DLL4: variants seen among roughly 807,000 people sequenced by gnomAD.
DLL4 encodes delta like canonical Notch ligand 4.
A neutral mutation model predicts 73.6 loss-of-function variants in DLL4; 7 were observed. The ratio of observed to expected loss-of-function variants is 0.10; its 90% CI spans 0.05 to 0.18. DLL4 has a LOEUF of 0.18. DLL4 is among the 10% of genes least tolerant of loss of function. DLL4 has a pLI of 1.00. For synonymous variants in DLL4, 345 were observed against 374.3 expected (o/e 0.92, Z 0.90); for missense variants, 614 against 929.9 (o/e 0.66, Z 4.42).
chr15:40,931,598 C>T lies in DLL4; in HGVS notation c.490C>T (p.Leu164Phe), dbSNP rs1264865292. The T allele has an allele frequency of 2.5e-6, 4 of 1,612,956 alleles. No individual in the cohort carries two copies. Among genetic ancestry groups the T allele is most frequent in the Admixed American group, 3.3e-5 (2 of 59,868 alleles). ...NWLLDEQTST[L>F]TRLRYSYRVI... is the part of the protein sequence containing the mutation. The stretch of plus-strand genomic sequence containing the variant: ...GTTATTGGATGAGCAAACCAGCACC[C>T]TCACAAGGCTGCGCTACTCTTACCG... Residue 164 changes from leucine to phenylalanine, a missense_variant, in exon 4 of 11, where the codon CTC becomes TTC. Physicochemically the swap from Leu to Phe is conservative, Grantham distance 22. Around this residue, in one of 3 missense-constraint regions of DLL4, gnomAD observed 227 missense variants for 370.8 expected, o/e 0.61. Coordinates refer to ENST00000249749, the MANE Select transcript of DLL4 (RefSeq NM_019074.4).
intron 4 of DLL4, 62 bp downstream of exon 4, chr15:40,931,828 C>A (rs1199852286): frequency 1.3e-6 from 2 of 1,588,554 alleles, no homozygotes; most frequent in African/African-American, 1.3e-5. Flanking sequence ...CACAGTGGAG[C>A]TTCTTGGTCA....
chr15:40,937,217 T>G (rs1892857994), intron 9 of DLL4, among the ~76,000 whole-genome samples: 1 of 152,150 alleles, frequency 6.6e-6, no homozygotes, highest in African/African-American at 2.4e-5. Flanking sequence ...CTCAGACCCT[T>G]CTGGTGAGGT....
chr15:40,932,500 G>T, intron 6 of DLL4, 53 bp downstream of exon 6: 2 of 1,604,046 alleles, frequency 1.2e-6, no homozygotes, highest in African/African-American at 2.7e-5. Flanking sequence ...TGGGGCTGGG[G>T]GGTGGAAATC....
At chr15:40,934,130 G>A (rs1421757126) in intron 6 of DLL4, among the ~76,000 whole-genome samples, 1 of 151,250 alleles carries the variant, frequency 6.6e-6, no homozygotes, top group Admixed American at 6.6e-5. Flanking sequence ...TCAGGAGTTC[G>A]AGACCATCCT....
chr15:40,936,954 G>C (rs1186829153), intron 9 of DLL4, 24 bp downstream of exon 9: 1 of 1,543,902 alleles, frequency 6.5e-7, no homozygotes, highest in South Asian at 1.2e-5. Context: ...AGAAGCCCAG[G>C]GCCTGGCCAC....
rs1347571027 is a variant in DLL4, at chr15:40,930,143, G to A, written c.336+27G>A. On this transcript the variant is annotated intron_variant, in intron 2 of 10. Coordinates refer to ENST00000249749, the MANE Select transcript of DLL4 (RefSeq NM_019074.4). The surrounding 1 kb of genome is among the most constrained non-coding windows in gnomAD (Gnocchi z 5.7). The stretch of plus-strand genomic sequence containing the variant: ...TGAGCACAGCCTGGGCGCACTGGGA[G>A]GTCGCAGAAGCCGAGAGAGGAGGCG... 1 of 1,598,446 alleles carries A rather than the reference G, an allele frequency of 6.3e-7. No homozygotes were observed. The highest frequency in any genetic ancestry group is 8.5e-7 in the Non-Finnish European group (1 of 1,173,136).
chr15:40,929,639 C>A lies in DLL4; in HGVS notation c.-30C>A. ...TCGCGAACAGAGCCAGATTGAGGGCCCGCGGGTGGAGAGAGCGACGCCCGA... is the reference window on the plus strand; with the variant it reads ...TCGCGAACAGAGCCAGATTGAGGGCACGCGGGTGGAGAGAGCGACGCCCGA... On this transcript the variant is annotated 5_prime_UTR_variant, in exon 1 of 11. Transcript: ENST00000249749. This position sits in a 1 kb window ranked among gnomAD's most constrained non-coding sequence, Gnocchi z 7.1. 6.6e-7 allele frequency: 1 copy of A among 1,504,444 alleles called. No individual in the cohort carries two copies. Among genetic ancestry groups the A allele is most frequent in the East Asian group, 2.3e-5 (1 of 43,038 alleles). The allele number at this position is 1,504,444 out of a possible 1,614,324, so 93.2% of individuals were successfully genotyped here. A position where few individuals can be genotyped will look rare whatever the true frequency, so the allele number is the denominator to read the frequency against.
At chr15:40,937,346 C>A in intron 9 of DLL4, 72 bp from the exon 10 acceptor site, 1 of 1,074,164 alleles carries the variant, frequency 9.3e-7, no homozygotes, top group Non-Finnish European at 1.4e-6. Context: ...TGCCCTTTGG[C>A]TCTCCAGGGT....
intron 6 of DLL4, among the ~76,000 whole-genome samples, chr15:40,932,949 C>T (rs960355037): frequency 2.0e-5 from 3 of 152,212 alleles, no homozygotes; most frequent in African/African-American, 4.8e-5. Flanking sequence ...TGGGCACAAA[C>T]GGCCTCCCCT....
rs759136630 is a variant in DLL4 at position 40,929,769 on chromosome 15, C to A, written c.66+35C>A. 1 of 1,602,400 alleles carries A rather than the reference C, an allele frequency of 6.2e-7. No homozygotes were observed. Among genetic ancestry groups the A allele is most frequent in the Non-Finnish European group, 8.5e-7 (1 of 1,177,454 alleles). The stretch of plus-strand genomic sequence containing the variant: ...CCCGCGCCCTCTCCGTCCCCTCTGC[C>A]GCGCTCTGGGCCTCAGCCCCGGGCA... On this transcript the variant is annotated intron_variant, in intron 1 of 10. Coordinates refer to ENST00000249749, the MANE Select transcript of DLL4 (RefSeq NM_019074.4). The surrounding 1 kb of genome is among the most constrained non-coding windows in gnomAD (Gnocchi z 7.1).
At chr15:40,937,983 C>A in intron 10 of DLL4, 46 bp from the exon 11 acceptor site, 1 of 1,597,242 alleles carries the variant, frequency 6.3e-7, no homozygotes, top group Non-Finnish European at 8.5e-7. Flanking sequence ...GGAGGGAGTG[C>A]GCATGCCCAG....
chr15:40,930,607 C>G lies in DLL4; in HGVS notation c.337-18C>G. 6.2e-7 allele frequency: 1 copy of G among 1,613,252 alleles called. No homozygotes were observed. The highest frequency in any genetic ancestry group is 8.5e-7 in the Non-Finnish European group (1 of 1,179,514). On this transcript the variant is annotated intron_variant, in intron 2 of 10. Coordinates refer to ENST00000249749, the MANE Select transcript of DLL4 (RefSeq NM_019074.4). This position sits in a 1 kb window ranked among gnomAD's most constrained non-coding sequence, Gnocchi z 5.7. The stretch of plus-strand genomic sequence containing the variant: ...TGCTCATCTCGCCATCTCTCCGTCC[C>G]CCCACCCCCTTTCCCAGGGTACCTT...
At chr15:40,935,790 T>C (rs563330086) in intron 8 of DLL4, among the ~76,000 whole-genome samples, 1 of 152,342 alleles carries the variant, frequency 6.6e-6, no homozygotes, top group East Asian at 1.9e-4. Context: ...ACAGTCATGA[T>C]TGTACTTATC....
chr15:40,938,471 A>C lies in DLL4; in HGVS notation c.*437A>C. ...GACAGTTGGGCCCAAATCAGAAAGG[A>C]GAGAGGGGGCCAATGAGGGCAGGGC... On this transcript the variant is annotated 3_prime_UTR_variant, in exon 11 of 11. Coordinates refer to ENST00000249749, the MANE Select transcript of DLL4 (RefSeq NM_019074.4). 1 of 158,708 alleles carries C rather than the reference A, an allele frequency of 6.3e-6. No individual in the cohort carries two copies. The allele number at this position is 158,708 out of a possible 1,614,324, so 9.8% of individuals were successfully genotyped here. A position where few individuals can be genotyped will look rare whatever the true frequency, so the allele number is the denominator to read the frequency against.
In DLL4 at chr15:40,936,715, G is replaced by A. The variant is rs776732603; in HGVS notation, c.1728G>A (p.Lys576=). 1.9e-6 allele frequency: 3 copies of A among 1,613,760 alleles called. No homozygotes were observed. The change falls in exon 9 of 11, where the codon AAG becomes AAA. Residue 576 remains lysine (K), a synonymous_variant. Coordinates refer to ENST00000249749, the MANE Select transcript of DLL4 (RefSeq NM_019074.4). ...EAMNNLSDFQ[K]DNLIPAAQLK... The stretch of plus-strand genomic sequence containing the variant: ...TGAACAACTTGTCGGACTTCCAGAA[G>A]GACAACCTGATTCCTGCCGCCCAGC...
rs1892864420 is a variant in DLL4, at chr15:40,937,665, T to G, written c.2052+139T>G. 14 of 721,674 alleles carry G rather than the reference T, an allele frequency of 1.9e-5. No homozygotes were observed. The South Asian group carries it at 2.3e-4, about 12-fold the overall frequency. 44.7% of individuals were successfully genotyped at this position (721,674 alleles called of 1,614,324 possible). ...CAAGTTCAGTGGACTCTTGGGTCCC[T>G]GCTGGCCTCATTGCCACTAAGGGTG... is the stretch of plus-strand genomic sequence containing the variant. On this transcript the variant is annotated intron_variant, in intron 10 of 10. Transcript: ENST00000249749.
Position 40,930,506 on chromosome 15 carries a change from C to A in DLL4, c.337-119C>A, listed in dbSNP as rs1369112710. The A allele has an allele frequency of 1.2e-6, 1 of 853,080 alleles. No individual in the cohort carries two copies. Among genetic ancestry groups the A allele is most frequent in the Non-Finnish European group, 1.9e-6 (1 of 518,736 alleles). 52.8% of individuals were successfully genotyped at this position (853,080 alleles called of 1,614,324 possible). A position where few individuals can be genotyped will look rare whatever the true frequency, so the allele number is the denominator to read the frequency against. On this transcript the variant is annotated intron_variant, in intron 2 of 10. Coordinates refer to ENST00000249749, the MANE Select transcript of DLL4 (RefSeq NM_019074.4). The surrounding 1 kb of genome is among the most constrained non-coding windows in gnomAD (Gnocchi z 5.7). ...ACTGTGCACAGCCCCGTTATGTTGA[C>A]CCGGGCGCAGTAACTGAATCCTGCA... is the stretch of plus-strand genomic sequence containing the variant.
rs1184430144 is a variant in DLL4 at position 40,938,696 on chromosome 15, A to G, written c.*662A>G. 6.6e-6 allele frequency: 1 copy of G among 152,604 alleles called. No individual in the cohort carries two copies. Among genetic ancestry groups the G allele is most frequent in the Non-Finnish European group, 1.5e-5 (1 of 68,122 alleles). 9.5% of individuals were successfully genotyped at this position (152,604 alleles called of 1,614,324 possible). ...CCACCCTCTGGCCCTGGGCTTCTGTAAGCAGACAGGCAGAGGGCCTGCCCC... is the reference window on the plus strand; with the variant it reads ...CCACCCTCTGGCCCTGGGCTTCTGTGAGCAGACAGGCAGAGGGCCTGCCCC... On this transcript the variant is annotated 3_prime_UTR_variant, in exon 11 of 11. Coordinates refer to ENST00000249749, the MANE Select transcript of DLL4 (RefSeq NM_019074.4).
rs1259458433 is a variant in DLL4 at position 40,932,302 on chromosome 15, T to C, written c.720-15T>C. Reference sequence around the variant, plus strand: ...AAGGCCTCTCACCTCACTCTGCCTCTCTCTTGTTCCCCAGCTGCCGCCCAG... The same window carrying C: ...AAGGCCTCTCACCTCACTCTGCCTCCCTCTTGTTCCCCAGCTGCCGCCCAG... On this transcript the variant is annotated splice_polypyrimidine_tract_variant and intron_variant, in intron 5 of 10. Coordinates refer to ENST00000249749, the MANE Select transcript of DLL4 (RefSeq NM_019074.4). The C allele has an allele frequency of 1.2e-6, 2 of 1,613,904 alleles. No individual in the cohort carries two copies. Among genetic ancestry groups the C allele is most frequent in the African/African-American group, 2.7e-5 (2 of 74,944 alleles).
Sources: allele counts gnomAD v4.1 joint callset (sites outside exome capture counted in the v4.1 genomes callset), GRCh38; gene constraint gnomAD v4.1.1; regional missense constraint gnomAD v4.1.1; non-coding constraint Gnocchi (gnomAD v3.1); transcripts MANE v1.5; gene names NCBI Gene and HGNC (gene_info 2026-07-23, HGNC 2026-07-21).